Variants in MKKS observed in about 807,000 individuals in gnomAD.
MKKS encodes the protein molecular chaperone MKKS.
A neutral mutation model predicts 33.2 loss-of-function variants in MKKS; 29 were observed. The observed-to-expected ratio is 0.87, with a 90% CI of 0.65 to 1.19. The LOEUF is 1.19. Ranked by LOEUF, MKKS falls within the 50% of genes most tolerant of loss-of-function variation. The probability of loss-of-function intolerance (pLI) is 0.00; values close to 1 mark genes in which losing one functional copy is unlikely to be tolerated. For missense variants in MKKS, 661 were observed against 662.3 expected, an observed-to-expected ratio of 1.00 and a Z score of 0.02; for synonymous variants, 260 against 244.0, an observed-to-expected ratio of 1.07 and a Z score of -0.61.
At position 10,401,918 on chromosome 20, in the gene MKKS, G is replaced by A. The variant is rs1488873925; in HGVS notation, c.*3329C>T. 6.6e-6 allele frequency: 1 copy of A among 152,120 alleles called. No homozygotes were observed. Among genetic ancestry groups the A allele is most frequent in the Non-Finnish European group, 1.5e-5 (1 of 68,002 alleles). The allele number at this position is 152,120 out of a possible 1,614,324, so 9.4% of individuals were successfully genotyped here. On this transcript the variant is annotated 3_prime_UTR_variant, in exon 6 of 6. Transcript: ENST00000347364. ...AAGACTCTCTAATATGGTACAAATG[G>A]AAGAATTAAAGGGTAGGATATCTAT... is the stretch of plus-strand genomic sequence containing the variant.
At chr20:10,423,819 A>T (rs1260813057) in intron 1 of MKKS, among the ~76,000 whole-genome samples, 2 of 152,232 alleles carry the variant, frequency 1.3e-5, no homozygotes, top group Non-Finnish European at 2.9e-5. Flanking sequence ...ATCAGTATCT[A>T]TTTTAACTGA....
chr20:10,415,982 A>C (rs890603768), intron 2 of MKKS, among the ~76,000 whole-genome samples: 2 of 152,218 alleles, frequency 1.3e-5, no homozygotes, highest in African/African-American at 4.8e-5. Context: ...AAGAAAGAGA[A>C]AAGAGAAAAA....
chr20:10,413,621 A>G lies in MKKS; in HGVS notation c.-107T>C. The G allele has an allele frequency of 1.5e-6, 2 of 1,300,120 alleles. No individual in the cohort carries two copies. Among genetic ancestry groups the G allele is most frequent in the Non-Finnish European group, 2.2e-6 (2 of 910,700 alleles). 80.5% of individuals were successfully genotyped at this position (1,300,120 alleles called of 1,614,324 possible). A position where few individuals can be genotyped will look rare whatever the true frequency, so the allele number is the denominator to read the frequency against. On this transcript the variant is annotated 5_prime_UTR_variant, in exon 3 of 6. Coordinates refer to ENST00000347364, the MANE Select transcript of MKKS (RefSeq NM_170784.3). ...CATTAAAAATTATTCTTTAGGAATT[A>G]AAGTATGAATATGCAGCATTGTGGC...
Position 10,404,093 on chromosome 20 carries a change from A to T in MKKS, c.*1154T>A, listed in dbSNP as rs2064825101. 1 of 152,194 alleles carries T rather than the reference A, an allele frequency of 6.6e-6. No individual in the cohort carries two copies. Among genetic ancestry groups the T allele is most frequent in the Admixed American group, 6.5e-5 (1 of 15,278 alleles). The allele number at this position is 152,194 out of a possible 1,614,324, so 9.4% of individuals were successfully genotyped here. A position where few individuals can be genotyped will look rare whatever the true frequency, so the allele number is the denominator to read the frequency against. On this transcript the variant is annotated 3_prime_UTR_variant, in exon 6 of 6. Coordinates refer to ENST00000347364, the MANE Select transcript of MKKS (RefSeq NM_170784.3). Reference sequence around the variant, plus strand: ...CAACATTTGTTATAGCTCCATGCTTATTCATGTGGCTGCCTTCTATATTTC... The same window carrying T: ...CAACATTTGTTATAGCTCCATGCTTTTTCATGTGGCTGCCTTCTATATTTC...
chr20:10,412,157 T>A (rs1453086711), intron 3 of MKKS, among the ~76,000 whole-genome samples: 1 of 152,220 alleles, frequency 6.6e-6, no homozygotes, highest in African/African-American at 2.4e-5. Flanking sequence ...GTCATTCTAG[T>A]TACAAAATTA....
Position 10,403,397 on chromosome 20 carries a change from C to G in MKKS, c.*1850G>C, listed in dbSNP as rs890898517. 2.7e-5 allele frequency: 4 copies of G among 150,922 alleles called. No individual in the cohort carries two copies. Among genetic ancestry groups the G allele is most frequent in the Non-Finnish European group, 5.9e-5 (4 of 67,784 alleles). 9.3% of individuals were successfully genotyped at this position (150,922 alleles called of 1,614,324 possible). A position where few individuals can be genotyped will look rare whatever the true frequency, so the allele number is the denominator to read the frequency against. ...CCTACCACATGCAAAATACGTCCCC[C>G]CTACTCCTCAGATCCTCAAAAGTTT... On this transcript the variant is annotated 3_prime_UTR_variant, in exon 6 of 6. Coordinates refer to ENST00000347364, the MANE Select transcript of MKKS (RefSeq NM_170784.3).
At chr20:10,429,445 G>A (rs552366147) in intron 1 of MKKS, among the ~76,000 whole-genome samples, 2 of 152,092 alleles carry the variant, frequency 1.3e-5, no homozygotes, top group South Asian at 4.1e-4. Context: ...GCTCTCACAC[G>A]TTCATCTCCA....
At chr20:10,409,207 T>A (rs570211360) in intron 3 of MKKS, among the ~76,000 whole-genome samples, 17 of 151,116 alleles carry the variant, frequency 1.1e-4, no homozygotes, top group Middle Eastern at 3.4e-3. Flanking sequence ...TATTTTTTTT[T>A]AAAGGCATTA....
In MKKS at chr20:10,430,548, G is replaced by A. The variant is rs372780100; in HGVS notation, c.-649+3560C>T. The stretch of plus-strand genomic sequence containing the variant: ...GGATTAGAATTAATGCCCAAACTAA[G>A]GGAAGTGGTCCCCATAAAGGAAGGC... On this transcript the variant is annotated intron_variant, in intron 1 of 5. Transcript: ENST00000347364. Among the ~76,000 whole-genome samples, 8 of 152,284 alleles carry A rather than the reference G, an allele frequency of 5.3e-5. No individual in the cohort carries two copies. In the East Asian group the frequency reaches 1.5e-3, roughly 29 times the overall value.
Position 10,413,535 on chromosome 20 carries a change from G to C in MKKS, c.-21C>G, listed in dbSNP as rs886056498. ...GACATCTTACTTCAGGTGGTAACTA[G>C]TGAAGACCGTTTTTATTTTGTAAAC... On this transcript the variant is annotated 5_prime_UTR_variant, in exon 3 of 6. Transcript: ENST00000347364. 6.2e-7 allele frequency: 1 copy of C among 1,613,790 alleles called. No homozygotes were observed. The highest frequency in any genetic ancestry group is 8.5e-7 in the Non-Finnish European group (1 of 1,179,824).
At chr20:10,431,515 G>T (rs1364609578) in intron 1 of MKKS, among the ~76,000 whole-genome samples, 1 of 146,066 alleles carries the variant, frequency 6.8e-6, no homozygotes, top group Admixed American at 6.9e-5. Context: ...ACTCAATGCT[G>T]TATAGGGTCA....
Position 10,425,349 on chromosome 20 carries a change from A to G in MKKS, c.-648-4591T>C, listed in dbSNP as rs116063634. 7.4e-3 allele frequency among the ~76,000 whole-genome samples: 1,133 copies of G among 152,316 alleles called. 12 individuals are homozygous for G. Among genetic ancestry groups the G allele is most frequent in the African/African-American group, 0.026 (1,093 of 41,582 alleles). ...GAAATTTGAGATTTTTCAATGCTTT[A>G]TTGCAAAATATGCTATGGCAATAAA... is the stretch of plus-strand genomic sequence containing the variant. On this transcript the variant is annotated intron_variant, in intron 1 of 5. Coordinates refer to ENST00000347364, the MANE Select transcript of MKKS (RefSeq NM_170784.3).
intron 2 of MKKS, among the ~76,000 whole-genome samples, chr20:10,419,279 T>C (rs2064962638): frequency 6.6e-6 from 1 of 152,204 alleles, no homozygotes. Flanking sequence ...CAGTTCTTTA[T>C]CTGAAACTCC....
At chr20:10,416,009 G>A (rs1421259326) in intron 2 of MKKS, among the ~76,000 whole-genome samples, 4 of 152,122 alleles carry the variant, frequency 2.6e-5, no homozygotes, top group Non-Finnish European at 5.9e-5. Flanking sequence ...AAACCACTGG[G>A]GCTGGTTTAT....
At chr20:10,433,247 C>T (rs2065067468) in intron 1 of MKKS, among the ~76,000 whole-genome samples, 2 of 152,236 alleles carry the variant, frequency 1.3e-5, no homozygotes, top group African/African-American at 4.8e-5. Context: ...TCAAGTGATC[C>T]GCCCGCCTCG....
intron 1 of MKKS, among the ~76,000 whole-genome samples, chr20:10,422,179 C>A (rs1226591396): frequency 6.6e-6 from 1 of 152,036 alleles, no homozygotes; most frequent in Non-Finnish European, 1.5e-5. Flanking sequence ...CATTATAAAT[C>A]ATTTCTCCCA....
intron 2 of MKKS, among the ~76,000 whole-genome samples, chr20:10,414,544 C>T (rs1393026948): frequency 2.6e-5 from 4 of 152,084 alleles, no homozygotes; most frequent in African/African-American, 9.7e-5. Flanking sequence ...GGATTACAAG[C>T]GTGAGCCACT....
intron 3 of MKKS, among the ~76,000 whole-genome samples, chr20:10,409,557 A>T (rs2064865785): frequency 6.6e-6 from 1 of 152,180 alleles, no homozygotes; most frequent in Non-Finnish European, 1.5e-5. Flanking sequence ...CTCCTACAAG[A>T]AACAATACTA....
Position 10,413,830 on chromosome 20 carries a change from T to G in MKKS, c.-316A>C, listed in dbSNP as rs2064916437. On this transcript the variant is annotated 5_prime_UTR_variant, in exon 3 of 6. Coordinates refer to ENST00000347364, the MANE Select transcript of MKKS (RefSeq NM_170784.3). Reference sequence around the variant, plus strand: ...AAGTATGTTCCAAGATGGACACCTATGAAAGATATCCCAGCTACAAGAAGC... The same window carrying G: ...AAGTATGTTCCAAGATGGACACCTAGGAAAGATATCCCAGCTACAAGAAGC... 4.2e-6 allele frequency: 2 copies of G among 471,544 alleles called. No homozygotes were observed. Among genetic ancestry groups the G allele is most frequent in the Admixed American group, 7.4e-5 (2 of 27,016 alleles). The allele number at this position is 471,544 out of a possible 1,614,324, so 29.2% of individuals were successfully genotyped here.
Sources: gnomAD v4.1 joint callset for allele counts (sites outside exome capture counted in the v4.1 genomes callset) on GRCh38, gnomAD v4.1.1 for gene constraint, MANE v1.5 for transcripts, NCBI Gene and HGNC (gene_info 2026-07-23, HGNC 2026-07-21) for gene names.